Variants in RAP1A observed in about 807,000 individuals in gnomAD.
The protein encoded by RAP1A is RAP1A, member of RAS oncogene family, also known as ras-related protein Rap-1A.
RAP1A carries 6 observed loss-of-function variants against 26.4 expected under a neutral mutation model. The ratio of observed to expected loss-of-function variants is 0.23; its 90% CI spans 0.12 to 0.45. The LOEUF (loss-of-function observed/expected upper bound fraction) is 0.45. Among genes scored for constraint, RAP1A ranks in the 20% least tolerant of loss-of-function variants. RAP1A has a pLI of 0.99. For missense variants in RAP1A, 121 were observed against 217.2 expected (o/e 0.56, Z 2.78); for synonymous variants, 73 against 79.4 (o/e 0.92, Z 0.43).
chr1:111,586,194 G>A (rs936209385), intron 1 of RAP1A, among the ~76,000 whole-genome samples: 2 of 152,170 alleles, frequency 1.3e-5, no homozygotes, highest in Non-Finnish European at 2.9e-5. Flanking sequence ...GAATCATAGT[G>A]TAATTTTTTT....
chr1:111,562,609 A>C (rs979960032), intron 1 of RAP1A, among the ~76,000 whole-genome samples: 4 of 152,202 alleles, frequency 2.6e-5, no homozygotes, highest in Admixed American at 6.5e-5. Context: ...TCCCACCAAC[A>C]TTTCAGGACT....
chr1:111,598,991 G>T (rs183071342), intron 1 of RAP1A, among the ~76,000 whole-genome samples: 4 of 152,196 alleles, frequency 2.6e-5, no homozygotes, highest in Admixed American at 2.6e-4. Context: ...CGTTTAACTG[G>T]TATATTATAA....
At chr1:111,656,288 A>T (rs925193056) in intron 1 of RAP1A, among the ~76,000 whole-genome samples, 1 of 152,172 alleles carries the variant, frequency 6.6e-6, no homozygotes, top group Non-Finnish European at 1.5e-5. Flanking sequence ...TTAACCTCTA[A>T]TGTCAAGCAG....
chr1:111,700,372 G>C (rs1418663345), intron 4 of RAP1A, among the ~76,000 whole-genome samples: 3 of 152,170 alleles, frequency 2.0e-5, no homozygotes, highest in African/African-American at 7.2e-5. Flanking sequence ...CATAGTGAAA[G>C]GCAAAGAGGA....
At chr1:111,645,712 T>C (rs750981017) in intron 1 of RAP1A, among the ~76,000 whole-genome samples, 1 of 152,192 alleles carries the variant, frequency 6.6e-6, no homozygotes, top group Non-Finnish European at 1.5e-5. Flanking sequence ...GGCACTGTTA[T>C]CCCTGTGATG....
At chr1:111,620,031 C>T (rs1659138244) in intron 1 of RAP1A, 97 bp downstream of exon 1, 2 of 395,184 alleles carry the variant, frequency 5.1e-6, no homozygotes, top group South Asian at 2.6e-4. Flanking sequence ...GCCGGTCAGT[C>T]GCCTGGCTCC....
Position 111,609,075 on chromosome 1 carries a change from T to C in RAP1A, c.-28+66566T>C, listed in dbSNP as rs115051649. ...TTAAAAGATACTTGCACAGGCTGAGTTTGTGCTAATCTGTCTATTTAGGCA... is the reference window on the plus strand; with the variant it reads ...TTAAAAGATACTTGCACAGGCTGAGCTTGTGCTAATCTGTCTATTTAGGCA... On this transcript the variant is annotated intron_variant, in intron 1 of 7. Transcript: ENST00000356415. Among the ~76,000 whole-genome samples the C allele has an allele frequency of 6.7e-3, 1,014 of 152,254 alleles. 9 individuals carry two copies. Among genetic ancestry groups the C allele is most frequent in the African/African-American group, 0.024 (978 of 41,542 alleles).
chr1:111,673,405 CTT>C (rs1174340232), intron 1 of RAP1A, among the ~76,000 whole-genome samples: 1 of 152,156 alleles, frequency 6.6e-6, no homozygotes, highest in East Asian at 1.9e-4. Context: ...ACAGGAGAAA[CTT>C]TTGTCTGTAA....
chr1:111,580,867 A>AC (rs1483309592), intron 1 of RAP1A, among the ~76,000 whole-genome samples: 1 of 148,894 alleles, frequency 6.7e-6, no homozygotes, highest in Non-Finnish European at 1.5e-5. Context: ...ACAAAAAACA[A>AC]AAAAAAAACA....
chr1:111,671,389 A>G (rs1392871927), intron 1 of RAP1A, among the ~76,000 whole-genome samples: 1 of 152,206 alleles, frequency 6.6e-6, no homozygotes, highest in Non-Finnish European at 1.5e-5. Context: ...TTAAATACTG[A>G]CTTCATTTAA....
intron 1 of RAP1A, among the ~76,000 whole-genome samples, chr1:111,613,129 C>T (rs1033433480): frequency 6.6e-5 from 10 of 150,856 alleles, no homozygotes; most frequent in Admixed American, 2.6e-4. Flanking sequence ...TGGTAGATAG[C>T]GCTTTTTTGG....
chr1:111,662,415 AAAAT>A (rs1557882662), intron 1 of RAP1A, among the ~76,000 whole-genome samples: 1 of 142,576 alleles, frequency 7.0e-6, no homozygotes, highest in Non-Finnish European at 1.6e-5. Flanking sequence ...AAAAAAAAAA[AAAAT>A]TAACTTGATC....
At chr1:111,573,394 C>T (rs748733199) in intron 1 of RAP1A, among the ~76,000 whole-genome samples, 3 of 152,108 alleles carry the variant, frequency 2.0e-5, no homozygotes, top group Non-Finnish European at 4.4e-5. Context: ...ACCTCACCAG[C>T]ATCTGTTATT....
chr1:111,644,703 C>G (rs948617593), intron 1 of RAP1A, among the ~76,000 whole-genome samples: 3 of 152,168 alleles, frequency 2.0e-5, no homozygotes, highest in Non-Finnish European at 4.4e-5. Flanking sequence ...TAACATGGAT[C>G]AGAGCCAGAT....
intron 1 of RAP1A, among the ~76,000 whole-genome samples, chr1:111,607,297 G>C (rs1332002563): frequency 1.3e-5 from 2 of 151,958 alleles, no homozygotes; most frequent in Non-Finnish European, 2.9e-5. Flanking sequence ...ATTTAACCCT[G>C]AGTGGACACA....
At chr1:111,658,899 T>A (rs1198326593) in intron 1 of RAP1A, among the ~76,000 whole-genome samples, 1 of 152,210 alleles carries the variant, frequency 6.6e-6, no homozygotes, top group Non-Finnish European at 1.5e-5. Flanking sequence ...CATTTTTGCC[T>A]CATGTATTTT....
intron 1 of RAP1A, among the ~76,000 whole-genome samples, chr1:111,672,099 C>CTTAAG (rs71099929): frequency 0.12 from 18,735 of 152,038 alleles, 1,656 homozygotes; most frequent in African/African-American, 0.26. Flanking sequence ...CTATATGTCT[C>CTTAAG]TTAAGTTGAT....
intron 3 of RAP1A, among the ~76,000 whole-genome samples, chr1:111,696,778 CTTCTT>C (rs1661843084): frequency 6.6e-6 from 1 of 152,152 alleles, no homozygotes; most frequent in African/African-American, 2.4e-5. Context: ...TTAGACCAAC[CTTCTT>C]TTCTTTTATA....
chr1:111,566,430 G>A (rs1184764083), intron 1 of RAP1A, among the ~76,000 whole-genome samples: 2 of 152,244 alleles, frequency 1.3e-5, no homozygotes, highest in African/African-American at 2.4e-5. Flanking sequence ...GCTCTGAGGA[G>A]CAAATGACTA....
Sources: gnomAD v4.1 joint callset for allele counts (sites outside exome capture counted in the v4.1 genomes callset) on GRCh38, gnomAD v4.1.1 for gene constraint, MANE v1.5 for transcripts, NCBI Gene and HGNC (gene_info 2026-07-23, HGNC 2026-07-21) for gene names.